The following PELI2 variants were observed in gnomAD, a reference collection of about 807,000 sequenced individuals.
PELI2 encodes pellino E3 ubiquitin protein ligase family member 2.
In PELI2, 23 loss-of-function variants were observed where a neutral mutation model predicts 42.3. That is an observed-to-expected ratio of 0.54 (90% CI 0.39 to 0.77). The LOEUF (loss-of-function observed/expected upper bound fraction) is 0.77, where lower values mean the gene tolerates loss of function less well. Among genes scored for constraint, PELI2 ranks in the 30% least tolerant of loss-of-function variants. The pLI is 0.00. For synonymous variants in PELI2, 245 were observed against 212.2 expected, an observed-to-expected ratio of 1.15 and a Z score of -1.34; for missense variants, 463 against 553.2, an observed-to-expected ratio of 0.84 and a Z score of 1.64.
intron 1 of PELI2, among the ~76,000 whole-genome samples, chr14:56,129,128 G>A (rs1167271711): frequency 2.0e-5 from 3 of 152,180 alleles, no homozygotes; most frequent in Non-Finnish European, 4.4e-5. Context: ...GCCTCTGGGA[G>A]GGGGAAGCCC....
At position 56,297,531 on chromosome 14, in the gene PELI2, A is replaced by T. The variant is rs1890050324; in HGVS notation, c.*365A>T. On this transcript the variant is annotated 3_prime_UTR_variant, in exon 6 of 6. Transcript: ENST00000267460. The stretch of plus-strand genomic sequence containing the variant: ...TTACAGATGTAGAAGAAATTTATTC[A>T]AAAGTGTGGGCTCATGAAGTTCACT... 1 of 229,326 alleles carries T rather than the reference A, an allele frequency of 4.4e-6. No individual in the cohort carries two copies. The highest frequency in any genetic ancestry group is 8.6e-6 in the Non-Finnish European group (1 of 116,054). The allele number at this position is 229,326 out of a possible 1,614,324, so 14.2% of individuals were successfully genotyped here.
rs74052114 is a variant in PELI2, at chr14:56,251,631, C to A, written c.208-28045C>A. Among the ~76,000 whole-genome samples the A allele has an allele frequency of 5.5e-3, 837 of 152,300 alleles. 7 individuals are homozygous for A. Among genetic ancestry groups the A allele is most frequent in the African/African-American group, 0.019 (807 of 41,570 alleles). ...TTGTGAGCCCCTGTTTGATTCCACA[C>A]CCTGTTTCAGTCTCGTCATACCCTG... On this transcript the variant is annotated intron_variant, in intron 2 of 5. Transcript: ENST00000267460.
intron 2 of PELI2, among the ~76,000 whole-genome samples, chr14:56,277,676 G>A (rs1449422018): frequency 6.6e-6 from 1 of 152,068 alleles, no homozygotes; most frequent in East Asian, 1.9e-4. Flanking sequence ...CCTGTCCATG[G>A]CTGTGCTAGG....
At chr14:56,262,559 A>C (rs904701493) in intron 2 of PELI2, among the ~76,000 whole-genome samples, 1 of 152,202 alleles carries the variant, frequency 6.6e-6, no homozygotes, top group Admixed American at 6.5e-5. Context: ...TGAGGATGGG[A>C]TAATAAAAAT....
rs189506427 is a variant in PELI2, at chr14:56,239,578, G to A, written c.208-40098G>A. Among the ~76,000 whole-genome samples the A allele has an allele frequency of 5.1e-4, 78 of 152,076 alleles. 1 individual carries two copies. The highest frequency in any genetic ancestry group is 8.2e-4 in the African/African-American group (34 of 41,462). Reference sequence around the variant, plus strand: ...AAGGTATTTTCCTGTTTCTATTCTCGTTTGATTTCCACAAGAGCTCTGAGT... The same window carrying A: ...AAGGTATTTTCCTGTTTCTATTCTCATTTGATTTCCACAAGAGCTCTGAGT... On this transcript the variant is annotated intron_variant, in intron 2 of 5. Transcript: ENST00000267460.
At chr14:56,121,238 C>CTTT (rs113894864) in intron 1 of PELI2, among the ~76,000 whole-genome samples, 22 of 136,278 alleles carry the variant, frequency 1.6e-4, no homozygotes, top group South Asian at 9.2e-4. Context: ...AAATTCAGTG[C>CTTT]TTTTTTTTTT....
intron 1 of PELI2, among the ~76,000 whole-genome samples, chr14:56,123,205 A>G (rs950164065): frequency 7.4e-5 from 11 of 149,526 alleles, no homozygotes; most frequent in Admixed American, 6.7e-4. Flanking sequence ...AGCAGGTCCC[A>G]CTTTCTGTAT....
At chr14:56,150,750 T>C (rs1444606465) in intron 1 of PELI2, among the ~76,000 whole-genome samples, 2 of 152,128 alleles carry the variant, frequency 1.3e-5, no homozygotes, top group African/African-American at 4.8e-5. Context: ...AGAAGCCAAG[T>C]TTAACATAAT....
At chr14:56,173,240 G>A (rs1248259222) in intron 1 of PELI2, among the ~76,000 whole-genome samples, 2 of 152,082 alleles carry the variant, frequency 1.3e-5, no homozygotes, top group Non-Finnish European at 2.9e-5. Flanking sequence ...GCATCCAAAC[G>A]GGTTACCAGT....
At chr14:56,266,111 C>G (rs542220710) in intron 2 of PELI2, among the ~76,000 whole-genome samples, 24 of 151,922 alleles carry the variant, frequency 1.6e-4, no homozygotes, top group Non-Finnish European at 3.4e-4. Flanking sequence ...CTTGACTGTT[C>G]AAACATTTGG....
chr14:56,168,150 G>C (rs1885033167), intron 1 of PELI2, among the ~76,000 whole-genome samples: 1 of 152,188 alleles, frequency 6.6e-6, no homozygotes, highest in Admixed American at 6.5e-5. Context: ...TCTTGCCCAA[G>C]GCCTGCTGTA....
chr14:56,163,090 A>G (rs750917438), intron 1 of PELI2, among the ~76,000 whole-genome samples: 1 of 151,986 alleles, frequency 6.6e-6, no homozygotes, highest in African/African-American at 2.4e-5. Flanking sequence ...TTTTAACTTG[A>G]TGTGACAAAT....
chr14:56,296,557 T>C, intron 5 of PELI2, 43 bp from the exon 6 acceptor site: 2 of 1,318,528 alleles, frequency 1.5e-6, no homozygotes, highest in Non-Finnish European at 2.1e-6. Context: ...AGTGATTTGC[T>C]TGATTTTGCT....
chr14:56,287,327 G>A (rs918663097), intron 3 of PELI2, among the ~76,000 whole-genome samples: 1 of 152,146 alleles, frequency 6.6e-6, no homozygotes, highest in African/African-American at 2.4e-5. Context: ...TAAATATTTT[G>A]CAATAAGTCT....
chr14:56,130,364 A>T (rs950230884), intron 1 of PELI2, among the ~76,000 whole-genome samples: 4 of 152,094 alleles, frequency 2.6e-5, no homozygotes, highest in African/African-American at 7.2e-5. Flanking sequence ...TGCTGATTCG[A>T]ACCTAGGTCT....
At chr14:56,213,425 A>G (rs4898890) in intron 2 of PELI2, among the ~76,000 whole-genome samples, 61,302 of 152,110 alleles carry the variant, frequency 0.4, 13,065 homozygotes, top group South Asian at 0.53. Context: ...AGCAGAGTCC[A>G]AGTTAGCAGG....
At chr14:56,178,538 C>A (rs1594613587) in intron 2 of PELI2, 74 bp downstream of exon 2, 1 of 1,524,642 alleles carries the variant, frequency 6.6e-7, no homozygotes. Context: ...CCGCTGCTCT[C>A]TTTCCTTTCG....
intron 2 of PELI2, among the ~76,000 whole-genome samples, chr14:56,179,133 A>T (rs1351697555): frequency 1.3e-5 from 2 of 152,190 alleles, no homozygotes; most frequent in African/African-American, 4.8e-5. Flanking sequence ...CTGAGTTTTT[A>T]TTCCAATTGA....
intron 2 of PELI2, among the ~76,000 whole-genome samples, chr14:56,200,910 C>A (rs1487194722): frequency 6.6e-6 from 1 of 152,154 alleles, no homozygotes; most frequent in Non-Finnish European, 1.5e-5. Flanking sequence ...TTAAATGGAA[C>A]TGTCTAAAGA....
Sources: gnomAD v4.1 joint callset for allele counts (sites outside exome capture counted in the v4.1 genomes callset) on GRCh38, gnomAD v4.1.1 for gene constraint, MANE v1.5 for transcripts, NCBI Gene and HGNC (gene_info 2026-07-23, HGNC 2026-07-21) for gene names.